SEMA6D: variants seen among roughly 807,000 people sequenced by gnomAD.
SEMA6D encodes semaphorin-6D.
SEMA6D carries 35 observed loss-of-function variants against 106.6 expected under a neutral mutation model. The observed-to-expected ratio is 0.33, with a 90% confidence interval of 0.25 to 0.44. The LOEUF (loss-of-function observed/expected upper bound fraction) is 0.44. Among genes scored for constraint, SEMA6D ranks in the 20% least tolerant of loss-of-function variants. The pLI, the probability that SEMA6D is intolerant of heterozygous loss-of-function variation, is 1.00. For synonymous variants in SEMA6D, 499 were observed against 487.7 expected, an observed-to-expected ratio of 1.02 and a Z score of -0.31; for missense variants, 1,185 against 1,345.9, an observed-to-expected ratio of 0.88 and a Z score of 1.87.
intron 3 of SEMA6D, among the ~76,000 whole-genome samples, chr15:47,550,433 T>A (rs1413464052): frequency 6.6e-6 from 1 of 152,196 alleles, no homozygotes; most frequent in African/African-American, 2.4e-5. Context: ...GTTATTTGCT[T>A]CTGCTCTCAG....
intron 1 of SEMA6D, among the ~76,000 whole-genome samples, chr15:47,290,853 A>G (rs1323017911): frequency 6.6e-6 from 1 of 152,246 alleles, no homozygotes; most frequent in Non-Finnish European, 1.5e-5. Context: ...TAGAGTAAGT[A>G]AAACATTTAT....
At chr15:47,480,099 C>T (rs1314380795) in intron 3 of SEMA6D, among the ~76,000 whole-genome samples, 4 of 151,448 alleles carry the variant, frequency 2.6e-5, no homozygotes, top group Non-Finnish European at 5.9e-5. Context: ...CTCAAGTGAT[C>T]CACCCACCCT....
chr15:47,230,546 T>C (rs2032119258), intron 1 of SEMA6D, among the ~76,000 whole-genome samples: 1 of 151,990 alleles, frequency 6.6e-6, no homozygotes, highest in South Asian at 2.1e-4. Flanking sequence ...AGCTGGCTCT[T>C]ACTCTGCCTT....
At chr15:47,654,397 T>C (rs538482556) in intron 4 of SEMA6D, among the ~76,000 whole-genome samples, 2 of 152,364 alleles carry the variant, frequency 1.3e-5, no homozygotes, top group South Asian at 4.1e-4. Context: ...ATGTTATCTG[T>C]ATTCTATAGT....
intron 2 of SEMA6D, among the ~76,000 whole-genome samples, chr15:47,433,022 A>T (rs1029127510): frequency 3.9e-5 from 6 of 152,098 alleles, no homozygotes; most frequent in African/African-American, 1.4e-4. Flanking sequence ...AAAAATTTTG[A>T]CTAATTCCAC....
At chr15:47,312,569 C>T (rs976538477) in intron 1 of SEMA6D, among the ~76,000 whole-genome samples, 7 of 152,230 alleles carry the variant, frequency 4.6e-5, no homozygotes, top group Admixed American at 2.6e-4. Flanking sequence ...TCTTTACATT[C>T]TTAACCTTGC....
chr15:47,669,194 G>A (rs972268382), intron 4 of SEMA6D, among the ~76,000 whole-genome samples: 1 of 152,074 alleles, frequency 6.6e-6, no homozygotes, highest in African/African-American at 2.4e-5. Context: ...CTTCTTGAAG[G>A]CCTTCCTGGC....
intron 4 of SEMA6D, among the ~76,000 whole-genome samples, chr15:47,651,886 A>T (rs1000177793): frequency 7.9e-5 from 12 of 152,058 alleles, no homozygotes; most frequent in African/African-American, 2.7e-4. Context: ...TATACCAGTC[A>T]CTCCCTTATG....
chr15:47,303,687 G>A (rs966766920), intron 1 of SEMA6D, among the ~76,000 whole-genome samples: 1 of 152,186 alleles, frequency 6.6e-6, no homozygotes, highest in Non-Finnish European at 1.5e-5. Context: ...TATATTTATT[G>A]AGTGAATAAA....
At chr15:47,193,985 T>C (rs531844621) in intron 1 of SEMA6D, among the ~76,000 whole-genome samples, 2 of 152,236 alleles carry the variant, frequency 1.3e-5, no homozygotes, top group African/African-American at 4.8e-5. Flanking sequence ...TCTGTTGTGA[T>C]TACATTTGTT....
At chr15:47,739,595 A>G (rs752879450) in intron 1 of SEMA6D, among the ~76,000 whole-genome samples, 48 of 152,234 alleles carry the variant, frequency 3.2e-4, no homozygotes, top group Non-Finnish European at 1.2e-4. Context: ...CACTGGCAAG[A>G]TGCTTAACTT....
chr15:47,730,463 T>C, intron 1 of SEMA6D: 1 of 1,337,446 alleles, frequency 7.5e-7, no homozygotes, highest in Admixed American at 1.8e-5. Context: ...GGGATCCACG[T>C]CGTGTGCAAT....
intron 1 of SEMA6D, among the ~76,000 whole-genome samples, chr15:47,736,997 T>G (rs1051629895): frequency 6.6e-6 from 1 of 152,154 alleles, no homozygotes; most frequent in East Asian, 1.9e-4. Context: ...TAAAGTTCAC[T>G]CTAAAAATAG....
chr15:47,390,172 C>T (rs754492280), intron 1 of SEMA6D, among the ~76,000 whole-genome samples: 15 of 152,002 alleles, frequency 9.9e-5, no homozygotes, highest in Non-Finnish European at 1.8e-4. Context: ...GGACTTGATG[C>T]CAAGCTGCAT....
intron 1 of SEMA6D, chr15:47,339,277 A>G (rs2037708487): frequency 6.6e-6 from 1 of 152,268 alleles, no homozygotes; most frequent in East Asian, 1.9e-4. Context: ...TGGGAAGCCC[A>G]GCTTGAAGCC....
chr15:47,689,446 A>T lies in SEMA6D; in HGVS notation c.-54-70299A>T, dbSNP rs180958004. Among the ~76,000 whole-genome samples, 37 of 152,366 alleles carry T rather than the reference A, an allele frequency of 2.4e-4. No homozygotes were observed. In the East Asian group the frequency reaches 4.2e-3, roughly 17 times the overall value. On this transcript the variant is annotated intron_variant, in intron 4 of 19. Transcript: ENST00000558014. ...ATGGCAATATCCAGATAACTTTGTCATGCTTAGCCAATTGGCTATATCTTA... is the reference window on the plus strand; with the variant it reads ...ATGGCAATATCCAGATAACTTTGTCTTGCTTAGCCAATTGGCTATATCTTA...
intron 1 of SEMA6D, among the ~76,000 whole-genome samples, chr15:47,376,909 A>G (rs956380516): frequency 1.3e-5 from 2 of 152,176 alleles, no homozygotes; most frequent in African/African-American, 4.8e-5. Flanking sequence ...GTGTTCTTCT[A>G]CTGTAACTGT....
At chr15:47,574,716 G>T (rs1032162821) in intron 3 of SEMA6D, among the ~76,000 whole-genome samples, 2 of 152,078 alleles carry the variant, frequency 1.3e-5, no homozygotes, top group Non-Finnish European at 2.9e-5. Flanking sequence ...ATACTTTCCA[G>T]TATTGCTATA....
chr15:47,217,845 C>T (rs1170438497), intron 1 of SEMA6D, among the ~76,000 whole-genome samples: 1 of 144,318 alleles, frequency 6.9e-6, no homozygotes, highest in Non-Finnish European at 1.5e-5. Flanking sequence ...TATACACACA[C>T]CCCTGCTTCC....
Sources: gnomAD v4.1 joint callset for allele counts (sites outside exome capture counted in the v4.1 genomes callset) on GRCh38, gnomAD v4.1.1 for gene constraint, MANE v1.5 for transcripts, NCBI Gene and HGNC (gene_info 2026-07-23, HGNC 2026-07-21) for gene names.